The following ZFR2 variants were observed in gnomAD, a reference collection of about 807,000 sequenced individuals.
The protein encoded by ZFR2 is zinc finger RNA-binding protein 2.
A neutral mutation model predicts 105.7 loss-of-function variants in ZFR2; 104 were observed. The ratio of observed to expected loss-of-function variants is 0.98; its 90% CI spans 0.84 to 1.16. The LOEUF (loss-of-function observed/expected upper bound fraction) is 1.16, where lower values mean the gene tolerates loss of function less well. Among genes scored for constraint, ZFR2 ranks in the 50% most tolerant of loss-of-function variants. The pLI, the probability that ZFR2 is intolerant of heterozygous loss-of-function variation, is 0.00. For synonymous variants in ZFR2, 634 were observed against 597.7 expected (o/e 1.06, Z -0.89); for missense variants, 1,425 against 1,355.5 (o/e 1.05, Z -0.80).
At chr19:3,821,803 T>G (rs2037896589) in intron 9 of ZFR2, among the ~76,000 whole-genome samples, 2 of 151,660 alleles carry the variant, frequency 1.3e-5, no homozygotes, top group Non-Finnish European at 2.9e-5. Context: ...TAGTAAAGAT[T>G]TCACTATGTT....
intron 13 of ZFR2, among the ~76,000 whole-genome samples, chr19:3,814,687 G>A (rs1000280143): frequency 6.6e-6 from 1 of 152,254 alleles, no homozygotes; most frequent in African/African-American, 2.4e-5. Context: ...AGCAGGGGCT[G>A]TATCTATCAT....
At position 3,838,123 on chromosome 19, in the gene ZFR2, AC is replaced by A. The variant is rs1431696252; in HGVS notation, c.54-3141del. 6.6e-6 allele frequency among the ~76,000 whole-genome samples: 1 copy of A among 151,844 alleles called. No homozygotes were observed. The highest frequency in any genetic ancestry group is 2.4e-5 in the African/African-American group (1 of 41,286). On this transcript the variant is annotated intron_variant, in intron 1 of 18. Coordinates refer to ENST00000262961, the MANE Select transcript of ZFR2 (RefSeq NM_015174.2). This position sits in a 1 kb window ranked among gnomAD's most constrained non-coding sequence, Gnocchi z 4.9. ...ACCGTGACCGTGACACTCGATGAAC[AC>A]CGTGACTGTGACACACAATGAACAC...
At position 3,823,100 on chromosome 19, in the gene ZFR2, G is replaced by T; in HGVS notation, c.1371+146C>A. The T allele has an allele frequency of 2.6e-6, 3 of 1,132,802 alleles. No individual in the cohort carries two copies. Among genetic ancestry groups the T allele is most frequent in the Non-Finnish European group, 3.8e-6 (3 of 789,066 alleles). The allele number at this position is 1,132,802 out of a possible 1,614,324, so 70.2% of individuals were successfully genotyped here. A position where few individuals can be genotyped will look rare whatever the true frequency, so the allele number is the denominator to read the frequency against. ...GTCAAGCGGGTCTGCACGGGGTTTT[G>T]GTCCATGGAGGTCTGGCCTGTGCAG... On this transcript the variant is annotated intron_variant, in intron 8 of 18. Coordinates refer to ENST00000262961, the MANE Select transcript of ZFR2 (RefSeq NM_015174.2). This position sits in a 1 kb window ranked among gnomAD's most constrained non-coding sequence, Gnocchi z 5.4.
chr19:3,853,791 G>T (rs1408257001), intron 1 of ZFR2, among the ~76,000 whole-genome samples: 2 of 152,148 alleles, frequency 1.3e-5, no homozygotes, highest in African/African-American at 2.4e-5. Context: ...AACCAGGCTG[G>T]GTGTGGTGGC....
chr19:3,811,342 G>A lies in ZFR2; in HGVS notation c.2267C>T (p.Ala756Val), dbSNP rs572672725. The A allele has an allele frequency of 1.2e-6, 2 of 1,600,760 alleles. No individual in the cohort carries two copies. Among genetic ancestry groups the A allele is most frequent in the Non-Finnish European group, 1.7e-6 (2 of 1,174,624 alleles). Reference protein sequence around the residue: ...DPGVEEPQADAGDVLSPKKCL... With the variant: ...DPGVEEPQADVGDVLSPKKCL... ...CTTCTTGGGGCTCAGGACATCACCT[G>A]CATCAGCCTGAGGCTCCTCCACACC... is the stretch of plus-strand genomic sequence containing the variant. Residue 756 changes from alanine to valine, a missense_variant, in exon 15 of 19, where the codon GCA (alanine) becomes GTA (valine). Ala to Val is a moderately conservative substitution (Grantham distance 64, BLOSUM62 0). Coordinates refer to ENST00000262961, the MANE Select transcript of ZFR2 (RefSeq NM_015174.2).
chr19:3,827,443 G>A (rs1464867022), intron 6 of ZFR2, 28 bp downstream of exon 6: 1 of 1,502,558 alleles, frequency 6.7e-7, no homozygotes, highest in South Asian at 1.3e-5. Flanking sequence ...CCCCAGGGTG[G>A]CAGAGCCTGG....
At chr19:3,851,818 A>T (rs1308098398) in intron 1 of ZFR2, 1 of 153,344 alleles carries the variant, frequency 6.5e-6, no homozygotes, top group Non-Finnish European at 1.5e-5. Context: ...CAGTGTCCAA[A>T]AAAATAAAGT....
chr19:3,831,209 C>T lies in ZFR2; in HGVS notation c.852+94G>A, dbSNP rs938561222. On this transcript the variant is annotated intron_variant, in intron 5 of 18. Coordinates refer to ENST00000262961, the MANE Select transcript of ZFR2 (RefSeq NM_015174.2). ...CACCAGACCTTCTTTCAGCAGGCAG[C>T]GACCCTGACCACCCCACCGGCGCCC... The T allele has an allele frequency of 2.8e-5, 40 of 1,421,800 alleles. No individual in the cohort carries two copies. The Admixed American group carries it at 7.3e-4, about 26-fold the overall frequency. The allele number at this position is 1,421,800 out of a possible 1,614,324, so 88.1% of individuals were successfully genotyped here.
chr19:3,808,533 C>T (rs188812138), intron 17 of ZFR2, among the ~76,000 whole-genome samples: 107 of 152,344 alleles, frequency 7.0e-4, no homozygotes, highest in African/African-American at 2.4e-3. Flanking sequence ...GGACAGGCAC[C>T]GGGGTGGATT....
Position 3,834,652 on chromosome 19 carries a change from G to T in ZFR2, c.264+121C>A. Reference sequence around the variant, plus strand: ...TACGCAATGCCAGCAGAAGGGTCCCGAAGGAAGGATCACGGTTAAGAGGCC... The same window carrying T: ...TACGCAATGCCAGCAGAAGGGTCCCTAAGGAAGGATCACGGTTAAGAGGCC... On this transcript the variant is annotated intron_variant, in intron 2 of 18. Coordinates refer to ENST00000262961, the MANE Select transcript of ZFR2 (RefSeq NM_015174.2). The surrounding 1 kb of genome is among the most constrained non-coding windows in gnomAD (Gnocchi z 5.3). 2 of 1,113,026 alleles carry T rather than the reference G, an allele frequency of 1.8e-6. No homozygotes were observed. Among genetic ancestry groups the T allele is most frequent in the Non-Finnish European group, 2.6e-6 (2 of 767,020 alleles). The allele number at this position is 1,113,026 out of a possible 1,614,324, so 68.9% of individuals were successfully genotyped here.
In ZFR2 at chr19:3,823,788, T is replaced by G. The variant is rs1015281573; in HGVS notation, c.1214-385A>C. On this transcript the variant is annotated intron_variant, in intron 7 of 18. Coordinates refer to ENST00000262961, the MANE Select transcript of ZFR2 (RefSeq NM_015174.2). The surrounding 1 kb of genome is among the most constrained non-coding windows in gnomAD (Gnocchi z 5.4). ...CGGGGGGAGACAAATATCTTTGTTA[T>G]AAGAATGACTTGATGGTTTGATCTT... Among the ~76,000 whole-genome samples, 6 of 152,254 alleles carry G rather than the reference T, an allele frequency of 3.9e-5. No individual in the cohort carries two copies. Among genetic ancestry groups the G allele is most frequent in the African/African-American group, 1.4e-4 (6 of 41,470 alleles).
chr19:3,831,238 T>G (rs2038010818), intron 5 of ZFR2, 65 bp downstream of exon 5: 1 of 1,433,930 alleles, frequency 7.0e-7, no homozygotes, highest in African/African-American at 1.4e-5. Flanking sequence ...GGCGCCCACA[T>G]TCGGGTTCAG....
chr19:3,854,069 G>A (rs2038270852), intron 1 of ZFR2, among the ~76,000 whole-genome samples: 1 of 151,822 alleles, frequency 6.6e-6, no homozygotes, highest in Admixed American at 6.6e-5. Flanking sequence ...GGGCAACAGA[G>A]CGAGACCCTG....
intron 1 of ZFR2, among the ~76,000 whole-genome samples, chr19:3,864,389 C>G (rs972950543): frequency 7.2e-5 from 11 of 152,004 alleles, no homozygotes; most frequent in African/African-American, 2.4e-4. Flanking sequence ...AACAAACAAA[C>G]AAACAAACAA....
intron 13 of ZFR2, among the ~76,000 whole-genome samples, chr19:3,815,842 C>T (rs1242152622): frequency 6.6e-6 from 1 of 151,762 alleles, no homozygotes; most frequent in African/African-American, 2.4e-5. Context: ...ACCTCTGCCT[C>T]CCGGGTTCAT....
chr19:3,808,495 T>C (rs1599217271), intron 17 of ZFR2, among the ~76,000 whole-genome samples: 1 of 152,264 alleles, frequency 6.6e-6, no homozygotes, highest in Non-Finnish European at 1.5e-5. Flanking sequence ...TCTGAGCTCC[T>C]GGCTGTTCCC....
chr19:3,861,286 A>C (rs906874891), intron 1 of ZFR2, among the ~76,000 whole-genome samples: 6 of 152,224 alleles, frequency 3.9e-5, no homozygotes, highest in Non-Finnish European at 8.8e-5. Flanking sequence ...CATTCCCCCA[A>C]ATATGTACAA....
At position 3,808,858 on chromosome 19, in the gene ZFR2, G is replaced by A; in HGVS notation, c.2545+14C>T. ...TGCCGCCCACCTCCTGGGCCCTCCG[G>A]CCCAGCGACTGACCTGTCAGGAGCG... On this transcript the variant is annotated intron_variant, in intron 17 of 18. Transcript: ENST00000262961. 6.5e-7 allele frequency: 1 copy of A among 1,537,860 alleles called. No individual in the cohort carries two copies. Among genetic ancestry groups the A allele is most frequent in the Non-Finnish European group, 8.7e-7 (1 of 1,144,216 alleles).
intron 6 of ZFR2, among the ~76,000 whole-genome samples, chr19:3,826,452 T>C (rs2037951225): frequency 1.3e-5 from 2 of 150,620 alleles, no homozygotes; most frequent in African/African-American, 4.9e-5. Flanking sequence ...TTTTTTCTTT[T>C]GGCGACAGAG....
Sources: allele counts gnomAD v4.1 joint callset (sites outside exome capture counted in the v4.1 genomes callset), GRCh38; gene constraint gnomAD v4.1.1; non-coding constraint Gnocchi (gnomAD v3.1); transcripts MANE v1.5; gene names NCBI Gene and HGNC (gene_info 2026-07-23, HGNC 2026-07-21).